ZMYM2: variants seen among roughly 807,000 people sequenced by gnomAD.
The protein encoded by ZMYM2 is zinc finger MYM-type containing 2, also known as zinc finger MYM-type protein 2.
A neutral mutation model predicts 162.8 loss-of-function variants in ZMYM2; 56 were observed. That is an observed-to-expected ratio of 0.34 (90% confidence interval 0.28 to 0.43). ZMYM2 has a LOEUF of 0.43. Ranked by LOEUF, ZMYM2 falls within the 20% of genes least tolerant of loss-of-function variation. The pLI, the probability that ZMYM2 is intolerant of heterozygous loss-of-function variation, is 1.00. For synonymous variants in ZMYM2, 510 were observed against 541.6 expected (o/e 0.94, Z 0.81); for missense variants, 1,275 against 1,621.8 (o/e 0.79, Z 3.67).
At chr13:20,036,958 C>A in intron 12 of ZMYM2, 49 bp downstream of exon 12, 1 of 1,497,084 alleles carries the variant, frequency 6.7e-7, no homozygotes. Flanking sequence ...TCTTAAAAAA[C>A]GTTGTAGCTG....
At chr13:19,934,767 CTTTCTT>C in the ZMYM2 span, among the ~76,000 whole-genome samples, 2 of 147,430 alleles carry the variant, frequency 1.4e-5, no homozygotes, top group African/African-American at 2.6e-5. Context: ...TTCTTTCTTT[CTTTCTT>C]TTTTTTTTTT....
At chr13:20,067,825 A>G (rs1956794276) in intron 21 of ZMYM2, among the ~76,000 whole-genome samples, 1 of 152,214 alleles carries the variant, frequency 6.6e-6, no homozygotes, top group South Asian at 2.1e-4. Context: ...TTTCTACAGT[A>G]AACATGGAGA....
intron 12 of ZMYM2, among the ~76,000 whole-genome samples, chr13:20,048,006 AG>A (rs1293247844): frequency 6.6e-6 from 1 of 152,070 alleles, no homozygotes; most frequent in East Asian, 1.9e-4. Context: ...ATACAATAAT[AG>A]CTAGAAGGTG....
the ZMYM2 span, among the ~76,000 whole-genome samples, chr13:19,935,406 G>GCCA: frequency 6.6e-6 from 1 of 152,148 alleles, no homozygotes; most frequent in African/African-American, 2.4e-5. Context: ...CAAAGTGTTG[G>GCCA]GATTACAGGC....
chr13:19,965,771 C>CTTTTTTTTTTTTTTTT (rs35914050), intron 2 of ZMYM2, among the ~76,000 whole-genome samples: 1 of 104,888 alleles, frequency 9.5e-6, no homozygotes, highest in Non-Finnish European at 1.9e-5. Context: ...TATCTGAATT[C>CTTTTTTTTTTTTTTTT]TTTTTTTTTT....
chr13:19,946,037 C>G, the ZMYM2 span, among the ~76,000 whole-genome samples: 1 of 151,792 alleles, frequency 6.6e-6, no homozygotes, highest in Non-Finnish European at 1.5e-5. Flanking sequence ...CTCTCTGTAC[C>G]CCACATCTTC....
intron 21 of ZMYM2, 55 bp from the exon 22 acceptor site, chr13:20,081,961 A>C: frequency 1.8e-6 from 2 of 1,131,634 alleles, no homozygotes; most frequent in Non-Finnish European, 2.5e-6. Context: ...TATGTTTACT[A>C]TAATTAGCTG....
At chr13:20,057,004 T>A (rs1245776913) in intron 14 of ZMYM2, among the ~76,000 whole-genome samples, 2 of 152,214 alleles carry the variant, frequency 1.3e-5, no homozygotes, top group Non-Finnish European at 2.9e-5. Flanking sequence ...TCGGTTTTCA[T>A]GGGGCACATC....
chr13:19,973,543 C>T lies in ZMYM2; in HGVS notation c.-11+13517C>T, dbSNP rs142706706. ...AAAATTAGCAGGGCGTGGTGGTGTG[C>T]GCCTGTAGTCCCAGCTACTTGAGAG... On this transcript the variant is annotated intron_variant, in intron 2 of 24. Transcript: ENST00000610343. Among the ~76,000 whole-genome samples, 40 of 151,724 alleles carry T rather than the reference C, an allele frequency of 2.6e-4. No homozygotes were observed. The East Asian group carries it at 5.9e-3, about 22-fold the overall frequency.
chr13:19,886,773 T>C, the ZMYM2 span, among the ~76,000 whole-genome samples: 2 of 151,660 alleles, frequency 1.3e-5, no homozygotes, highest in Non-Finnish European at 2.9e-5. Context: ...CCTCAGCCTC[T>C]TGAGTAGCTG....
At chr13:20,078,363 C>G (rs1047569173) in intron 21 of ZMYM2, among the ~76,000 whole-genome samples, 1 of 152,050 alleles carries the variant, frequency 6.6e-6, no homozygotes, top group Non-Finnish European at 1.5e-5. Context: ...TTATGAATGT[C>G]TTATATTCCC....
At chr13:19,885,291 A>T in the ZMYM2 span, among the ~76,000 whole-genome samples, 1 of 152,132 alleles carries the variant, frequency 6.6e-6, no homozygotes, top group Non-Finnish European at 1.5e-5. Context: ...AGTTTAAAGA[A>T]ACAAGTCTTT....
chr13:19,971,809 A>G (rs1025395359), intron 2 of ZMYM2, among the ~76,000 whole-genome samples: 6 of 152,294 alleles, frequency 3.9e-5, no homozygotes, highest in African/African-American at 1.4e-4. Flanking sequence ...GTCACTAGAC[A>G]TAAAACATCG....
At chr13:19,873,123 C>A in the ZMYM2 span, among the ~76,000 whole-genome samples, 1 of 152,108 alleles carries the variant, frequency 6.6e-6, no homozygotes, top group African/African-American at 2.4e-5. Context: ...AGCATTGCAG[C>A]CATAATGACA....
At chr13:19,886,635 TTTG>T in the ZMYM2 span, among the ~76,000 whole-genome samples, 2 of 151,562 alleles carry the variant, frequency 1.3e-5, no homozygotes, top group South Asian at 2.1e-4. Flanking sequence ...CTCAGGTTTT[TTTG>T]TTGTTGTTGT....
At chr13:19,968,082 A>C (rs192017049) in intron 2 of ZMYM2, among the ~76,000 whole-genome samples, 4 of 152,312 alleles carry the variant, frequency 2.6e-5, no homozygotes, top group Non-Finnish European at 4.4e-5. Context: ...TCTGATCTGC[A>C]CTGTCAACAC....
chr13:19,923,353 T>C, the ZMYM2 span, among the ~76,000 whole-genome samples: 3 of 49,878 alleles, frequency 6.0e-5, no homozygotes, highest in Admixed American at 3.8e-4. Flanking sequence ...CGAGACTCCG[T>C]CGCAAAAAAA....
chr13:19,996,447 C>T (rs571959287), intron 3 of ZMYM2, among the ~76,000 whole-genome samples: 2 of 152,050 alleles, frequency 1.3e-5, no homozygotes, highest in African/African-American at 4.8e-5. Flanking sequence ...CTAGCCAGGG[C>T]TGGTTGCGGT....
upstream of ZMYM2, among the ~76,000 whole-genome samples, chr13:19,955,437 CT>C (rs1208563430): frequency 6.6e-6 from 1 of 152,134 alleles, no homozygotes; most frequent in Non-Finnish European, 1.5e-5. Flanking sequence ...TTACACATGA[CT>C]AAAAGCATCT....
Sources: gnomAD v4.1 joint callset for allele counts (sites outside exome capture counted in the v4.1 genomes callset) on GRCh38, gnomAD v4.1.1 for gene constraint, MANE v1.5 for transcripts, NCBI Gene and HGNC (gene_info 2026-07-23, HGNC 2026-07-21) for gene names.